TDRKH: variants seen among roughly 807,000 people sequenced by gnomAD.
TDRKH encodes the protein tudor and KH domain-containing protein.
A neutral mutation model predicts 61.3 loss-of-function variants in TDRKH; 28 were observed. That is an observed-to-expected ratio of 0.46 (90% CI 0.34 to 0.63). TDRKH has a LOEUF of 0.63. TDRKH is among the 20% of genes least tolerant of loss of function. The pLI is 0.01. For synonymous variants in TDRKH, 219 were observed against 244.4 expected (o/e 0.90, Z 0.97); for missense variants, 540 against 683.4 (o/e 0.79, Z 2.34).
At chr1:151,786,788 C>A (rs1206087856) in intron 1 of TDRKH, among the ~76,000 whole-genome samples, 6 of 152,136 alleles carry the variant, frequency 3.9e-5, no homozygotes, top group Non-Finnish European at 8.8e-5. Flanking sequence ...GGGATGGGTA[C>A]CTCTTTTCAA....
chr1:151,766,968 A>G, downstream of TDRKH: 1 of 1,420,980 alleles, frequency 7.0e-7, no homozygotes, highest in Non-Finnish European at 9.7e-7. Context: ...AATTTCCCAA[A>G]TGGCAAGAAA....
At chr1:151,770,466 T>G (rs567556364), downstream of TDRKH, 6 of 614,724 alleles carry the variant, frequency 9.8e-6, no homozygotes, top group South Asian at 6.1e-5. Context: ...GCAGGTGGTG[T>G]TAGGGGCCAG....
At position 151,776,260 on chromosome 1, in the gene TDRKH, G is replaced by A. The variant is rs781671791; in HGVS notation, c.1053C>T (p.Asp351=). The A allele has an allele frequency of 1.2e-6, 2 of 1,613,726 alleles. No homozygotes were observed. The highest frequency in any genetic ancestry group is 2.7e-5 in the African/African-American group (2 of 74,916). Residue 351 remains aspartate, a synonymous_variant, in exon 8 of 13, where the codon GAC becomes GAT. Coordinates refer to ENST00000368824, the MANE Select transcript of TDRKH (RefSeq NM_001083965.2). Reference sequence around the variant, plus strand: ...CAATGTCTCCTACATGCACAGTCAAGTCTTCAGGCTGTATGTGGGGAGGAG... The same window carrying A: ...CAATGTCTCCTACATGCACAGTCAAATCTTCAGGCTGTATGTGGGGAGGAG... ...TQHYENSVPE[D]LTVHVGDIVA...
intron 1 of TDRKH, among the ~76,000 whole-genome samples, chr1:151,790,099 G>A (rs1022063797): frequency 9.2e-5 from 14 of 152,236 alleles, no homozygotes; most frequent in African/African-American, 3.4e-4. Flanking sequence ...CCCAGTGGAA[G>A]AGTCTGAACT....
downstream of TDRKH, chr1:151,766,579 G>C: frequency 2.5e-6 from 2 of 800,586 alleles, no homozygotes; most frequent in Non-Finnish European, 4.0e-6. Context: ...ATAAGCAGCA[G>C]AGTGGAGTCC....
chr1:151,766,742 C>T, downstream of TDRKH: 3 of 1,554,304 alleles, frequency 1.9e-6, no homozygotes, highest in South Asian at 1.2e-5. Flanking sequence ...AGAGGTGTCG[C>T]CCCTCTGTCT....
intron 3 of TDRKH, among the ~76,000 whole-genome samples, chr1:151,781,146 T>G (rs7542898): frequency 0.16 from 24,382 of 150,076 alleles, 2,105 homozygotes; most frequent in African/African-American, 0.21. Flanking sequence ...CGAAACCTCG[T>G]CTCCACTAAA....
At chr1:151,789,832 C>G (rs11810571) in intron 1 of TDRKH, among the ~76,000 whole-genome samples, 112,360 of 151,592 alleles carry the variant, frequency 0.74, 43,033 homozygotes, top group Middle Eastern at 0.86. Flanking sequence ...TTTAAATTCA[C>G]GAGAAAAAAA....
intron 1 of TDRKH, among the ~76,000 whole-genome samples, chr1:151,784,701 G>A (rs1251917402): frequency 3.3e-5 from 5 of 151,258 alleles, no homozygotes; most frequent in South Asian, 4.2e-4. Flanking sequence ...TCTGTCCTTC[G>A]CCCTCTTCTC....
At chr1:151,767,518 G>A (rs923811323), downstream of TDRKH, 6 of 998,110 alleles carry the variant, frequency 6.0e-6, no homozygotes, top group Admixed American at 3.4e-5. Context: ...GGGAAAAGAG[G>A]GAGTGGGGAC....
intron 3 of TDRKH, among the ~76,000 whole-genome samples, chr1:151,780,523 T>C (rs1649648917): frequency 6.6e-6 from 1 of 152,218 alleles, no homozygotes; most frequent in African/African-American, 2.4e-5. Context: ...ATATTTACTG[T>C]CAATTAATGA....
Position 151,774,403 on chromosome 1 carries a change from C to T in TDRKH, c.*49G>A, listed in dbSNP as rs201709511. On this transcript the variant is annotated 3_prime_UTR_variant, in exon 13 of 13. Coordinates refer to ENST00000368824, the MANE Select transcript of TDRKH (RefSeq NM_001083965.2). ...TCCTGTTGCTACAGATAGATGATAG[C>T]TGCACTCACACAGCAAAGCAGATGG... 4 of 1,600,040 alleles carry T rather than the reference C, an allele frequency of 2.5e-6. No individual in the cohort carries two copies. The highest frequency in any genetic ancestry group is 2.2e-5 in the East Asian group (1 of 44,710).
In TDRKH at chr1:151,775,157, T is replaced by C; in HGVS notation, c.1444A>G (p.Ile482Val). Residue 482 changes from isoleucine to valine, a missense_variant, in exon 11 of 13, where the codon ATT (isoleucine) becomes GTT (valine). This residue lies in a region of TDRKH where 379 missense variants were observed against 443.8 expected (regional missense o/e 0.85). Transcript: ENST00000368824. ...YDTSNGKKLD[I>V]GLELVHKGYA... Reference sequence around the variant, plus strand: ...CCTTTGTGTACTAATTCTAGCCCAATATCAAGTTTCTGAGAAGAAAAATGA... The same window carrying C: ...CCTTTGTGTACTAATTCTAGCCCAACATCAAGTTTCTGAGAAGAAAAATGA... 6.2e-7 allele frequency: 1 copy of C among 1,613,974 alleles called. No homozygotes were observed. Among genetic ancestry groups the C allele is most frequent in the Non-Finnish European group, 8.5e-7 (1 of 1,179,978 alleles).
At chr1:151,778,564 C>T (rs1168992875) in intron 6 of TDRKH, 121 bp downstream of exon 6, 27 of 1,566,678 alleles carry the variant, frequency 1.7e-5, no homozygotes, top group Non-Finnish European at 2.2e-5. Flanking sequence ...AATCTTCTGT[C>T]CTGACCCCAG....
intron 1 of TDRKH, among the ~76,000 whole-genome samples, chr1:151,788,259 T>TA (rs1344069949): frequency 2.6e-5 from 4 of 152,220 alleles, no homozygotes; most frequent in African/African-American, 9.7e-5. Context: ...TCCGCAAACC[T>TA]ATACTACATG....
intron 6 of TDRKH, among the ~76,000 whole-genome samples, chr1:151,777,037 C>T (rs1443146499): frequency 3.3e-5 from 5 of 152,194 alleles, no homozygotes; most frequent in Non-Finnish European, 5.9e-5. Flanking sequence ...TCTTTGCCCA[C>T]GCCAAAACCT....
intron 1 of TDRKH, among the ~76,000 whole-genome samples, chr1:151,789,174 C>A (rs537153740): frequency 6.6e-6 from 1 of 152,252 alleles, no homozygotes; most frequent in South Asian, 2.1e-4. Context: ...ATTATAGGTG[C>A]GGTTTTGGCC....
intron 1 of TDRKH, among the ~76,000 whole-genome samples, chr1:151,786,731 C>G (rs138881329): frequency 6.6e-6 from 1 of 152,268 alleles, no homozygotes; most frequent in East Asian, 1.9e-4. Context: ...TGCCCGGACT[C>G]AAAAGCCTGA....
intron 1 of TDRKH, 58 bp from the exon 2 acceptor site, chr1:151,783,107 CAG>C: frequency 1.3e-6 from 2 of 1,519,898 alleles, no homozygotes; most frequent in Admixed American, 1.9e-5. Flanking sequence ...TTATGAATAG[CAG>C]AGAGGCATGG....
Sources: gnomAD v4.1 joint callset for allele counts (sites outside exome capture counted in the v4.1 genomes callset) on GRCh38, gnomAD v4.1.1 for gene constraint, gnomAD v4.1.1 regional missense constraint, MANE v1.5 for transcripts, NCBI Gene and HGNC (gene_info 2026-07-23, HGNC 2026-07-21) for gene names.